Variants in PDE1C observed in about 807,000 individuals in gnomAD.
PDE1C encodes phosphodiesterase 1C.
In PDE1C, 62 loss-of-function variants were observed where a neutral mutation model predicts 93.1. That is an observed-to-expected ratio of 0.67 (90% CI 0.54 to 0.82). The LOEUF is 0.82. Among genes scored for constraint, PDE1C ranks in the 40% least tolerant of loss-of-function variants. The pLI, the probability that PDE1C is intolerant of heterozygous loss-of-function variation, is 0.00. For synonymous variants in PDE1C, 325 were observed against 310.1 expected (o/e 1.05, Z -0.50); for missense variants, 742 against 884.6 (o/e 0.84, Z 2.04).
At position 32,267,582 on chromosome 7, in the gene PDE1C, ACACACTCTCT is replaced by A. The variant is rs752373052; in HGVS notation, c.85+31059_85+31068del. Among the ~76,000 whole-genome samples, 128 of 70,566 alleles carry A rather than the reference ACACACTCTCT, an allele frequency of 1.8e-3. 1 individual carries two copies. The highest frequency in any genetic ancestry group is 3.0e-3 in the Admixed American group (15 of 5,080). 46.3% of individuals were successfully genotyped at this position (70,566 alleles called of 152,430 possible). A position where few individuals can be genotyped will look rare whatever the true frequency, so the allele number is the denominator to read the frequency against. On this transcript the variant is annotated intron_variant, in intron 1 of 18. Transcript: ENST00000396193. ...CTCTTTCTCTCTCTCTCACACACAC[ACACACTCTCT>A]CTCTCTCTCTCTCTCTCTCTCTCTC...
At chr7:32,066,895 T>C (rs1281585220) in intron 1 of PDE1C, among the ~76,000 whole-genome samples, 1 of 152,214 alleles carries the variant, frequency 6.6e-6, no homozygotes, top group African/African-American at 2.4e-5. Flanking sequence ...AGCATCCCTC[T>C]GAGAGTTCCA....
At chr7:32,273,229 G>C (rs10951328) in intron 1 of PDE1C, among the ~76,000 whole-genome samples, 39,541 of 152,158 alleles carry the variant, frequency 0.26, 5,408 homozygotes, top group East Asian at 0.45. Flanking sequence ...GTGCCCCGGT[G>C]AGAGGGAAGA....
intron 16 of PDE1C, among the ~76,000 whole-genome samples, chr7:31,778,007 T>C (rs1451515854): frequency 1.3e-5 from 2 of 152,174 alleles, no homozygotes; most frequent in East Asian, 3.9e-4. Context: ...CCAAGCTCCT[T>C]GATTGGACCC....
intron 1 of PDE1C, among the ~76,000 whole-genome samples, chr7:32,062,735 G>A (rs1392533788): frequency 6.6e-6 from 1 of 152,130 alleles, no homozygotes; most frequent in Non-Finnish European, 1.5e-5. Flanking sequence ...AACATCCCCC[G>A]AGGGAGGGAG....
intron 3 of PDE1C, among the ~76,000 whole-genome samples, chr7:32,143,389 G>T (rs141649534): frequency 1.5e-4 from 22 of 151,324 alleles, no homozygotes; most frequent in African/African-American, 4.9e-4. Flanking sequence ...AGGGAACAGC[G>T]AGAAGGGTAG....
chr7:31,818,894 TA>T (rs1788605932), intron 14 of PDE1C, among the ~76,000 whole-genome samples: 1 of 152,138 alleles, frequency 6.6e-6, no homozygotes, highest in Non-Finnish European at 1.5e-5. Context: ...TAAGAGAGTA[TA>T]AAATATTATC....
chr7:32,298,717 T>A, exon 1 of PDE1C: 1 of 1,604,134 alleles, frequency 6.2e-7, no homozygotes, highest in Non-Finnish European at 8.5e-7. Context: ...CCCTCCTTCC[T>A]GTTGCCGGCG....
intron 2 of PDE1C, among the ~76,000 whole-genome samples, chr7:31,990,847 T>C (rs961481514): frequency 4.6e-5 from 7 of 152,168 alleles, no homozygotes; most frequent in African/African-American, 1.7e-4. Flanking sequence ...AAATTATAAT[T>C]GTACTTAAAA....
At chr7:31,872,497 A>T (rs1052287594) in intron 6 of PDE1C, among the ~76,000 whole-genome samples, 2 of 152,184 alleles carry the variant, frequency 1.3e-5, no homozygotes, top group South Asian at 2.1e-4. Flanking sequence ...CATGTACCCT[A>T]TAAATATATA....
At chr7:32,121,702 G>C (rs140198022) in intron 3 of PDE1C, among the ~76,000 whole-genome samples, 1 of 152,090 alleles carries the variant, frequency 6.6e-6, no homozygotes, top group African/African-American at 2.4e-5. Flanking sequence ...GGCCTGCCTT[G>C]CAAGAACTCC....
At chr7:32,276,698 T>C (rs1224920667) in intron 1 of PDE1C, among the ~76,000 whole-genome samples, 1 of 152,068 alleles carries the variant, frequency 6.6e-6, no homozygotes, top group Non-Finnish European at 1.5e-5. Flanking sequence ...ATAATAATAA[T>C]AACTATCTCA....
intron 9 of PDE1C, among the ~76,000 whole-genome samples, chr7:31,846,923 A>G (rs1453427491): frequency 6.6e-6 from 1 of 152,172 alleles, no homozygotes; most frequent in African/African-American, 2.4e-5. Flanking sequence ...GCCACTCTTA[A>G]TAAAAATCAG....
intron 2 of PDE1C, among the ~76,000 whole-genome samples, chr7:31,903,656 T>C (rs542681003): frequency 6.6e-6 from 1 of 152,146 alleles, no homozygotes; most frequent in Non-Finnish European, 1.5e-5. Flanking sequence ...AAATTAAATA[T>C]CAGGATAGTC....
chr7:32,327,398 T>C (rs930870131), intron 1 of PDE1C, among the ~76,000 whole-genome samples: 1 of 152,130 alleles, frequency 6.6e-6, no homozygotes, highest in African/African-American at 2.4e-5. Flanking sequence ...CCAGGAGCCC[T>C]CTCATGCCGC....
At chr7:32,014,468 T>A (rs564877180) in intron 2 of PDE1C, among the ~76,000 whole-genome samples, 22 of 145,912 alleles carry the variant, frequency 1.5e-4, no homozygotes, top group South Asian at 1.3e-3. Context: ...TCTTTTTTTT[T>A]ATTTATTTTA....
At chr7:32,427,226 T>A (rs541374570) in intron 1 of PDE1C, among the ~76,000 whole-genome samples, 4 of 152,342 alleles carry the variant, frequency 2.6e-5, no homozygotes, top group African/African-American at 7.2e-5. Flanking sequence ...GTGGTCAGAT[T>A]TTCCAGCTCC....
chr7:32,403,611 C>T (rs1424879200), intron 1 of PDE1C, among the ~76,000 whole-genome samples: 1 of 152,198 alleles, frequency 6.6e-6, no homozygotes, highest in Non-Finnish European at 1.5e-5. Flanking sequence ...CATGCGTCTC[C>T]TCTCTAAATT....
intron 2 of PDE1C, among the ~76,000 whole-genome samples, chr7:32,185,136 AC>A (rs1200706421): frequency 6.8e-6 from 1 of 146,394 alleles, no homozygotes; most frequent in Non-Finnish European, 1.5e-5. Context: ...AAAAAAAAAA[AC>A]AACTTCTTAA....
At chr7:32,283,300 A>G (rs1811792439) in intron 1 of PDE1C, among the ~76,000 whole-genome samples, 1 of 152,220 alleles carries the variant, frequency 6.6e-6, no homozygotes, top group Admixed American at 6.5e-5. Flanking sequence ...CCCATATTTG[A>G]AAAAATAGTA....
Sources: gnomAD v4.1 joint callset for allele counts (sites outside exome capture counted in the v4.1 genomes callset) on GRCh38, gnomAD v4.1.1 for gene constraint, MANE v1.5 for transcripts, NCBI Gene and HGNC (gene_info 2026-07-23, HGNC 2026-07-21) for gene names.